The following PCNX2 variants were observed in gnomAD, a reference collection of about 807,000 sequenced individuals.
PCNX2 encodes pecanex-like protein 2.
PCNX2 carries 168 observed loss-of-function variants against 223.8 expected under a neutral mutation model. That is an observed-to-expected ratio of 0.75 (90% CI 0.66 to 0.85). The LOEUF (loss-of-function observed/expected upper bound fraction) is 0.85. PCNX2 is among the 40% of genes least tolerant of loss of function. The pLI, the probability that PCNX2 is intolerant of heterozygous loss-of-function variation, is 0.00. For missense variants in PCNX2, 2,507 were observed against 2,675.5 expected (o/e 0.94, Z 1.39); for synonymous variants, 1,006 against 1,052.6 (o/e 0.96, Z 0.86).
At chr1:233,317,799 T>C in the PCNX2 span, among the ~76,000 whole-genome samples, 7 of 152,372 alleles carry the variant, frequency 4.6e-5, no homozygotes, top group East Asian at 1.3e-3. Context: ...TTTAATGCAT[T>C]AGCTCAATGA....
Position 233,227,245 on chromosome 1 carries a change from A to G in PCNX2, c.2485T>C (p.Leu829=). ...WIKVWYDRLT[L]LALLDRTEDI... is the part of the protein sequence containing the mutation. ...GCTTACCGATCAAGTAATGCCAGCA[A>G]GGTCAGTCGATCATACCAGACTTTA... The change falls in exon 10 of 34, where the codon TTG becomes CTG. Residue 829 remains leucine (L), a synonymous_variant. Transcript: ENST00000258229. 1 of 1,612,680 alleles carries G rather than the reference A, an allele frequency of 6.2e-7. No homozygotes were observed. Among genetic ancestry groups the G allele is most frequent in the South Asian group, 1.1e-5 (1 of 90,846 alleles).
rs1363863433 is a variant in PCNX2 at position 233,231,632 on chromosome 1, AG to A, written c.2359-4262del. The A allele has an allele frequency of 3.0e-6, 3 of 983,902 alleles. No homozygotes were observed. The African/African-American group carries it at 5.2e-5, about 17-fold the overall frequency. The allele number at this position is 983,902 out of a possible 1,614,324, so 60.9% of individuals were successfully genotyped here. ...ATCTGTAGATTTTACCTGAAAGGGCAGGGGATAGGGAGAAGGAGTAGAAGAG... is the reference window on the plus strand; with the variant it reads ...ATCTGTAGATTTTACCTGAAAGGGCAGGGATAGGGAGAAGGAGTAGAAGAG... On this transcript the variant is annotated intron_variant, in intron 9 of 33. Transcript: ENST00000258229.
rs536105916 is a variant in PCNX2 at position 233,017,003 on chromosome 1, G to A, written c.4757C>T (p.Pro1586Leu). The A allele has an allele frequency of 2.3e-5, 37 of 1,613,858 alleles. No individual in the cohort carries two copies. The highest frequency in any genetic ancestry group is 1.7e-4 in the Admixed American group (10 of 60,010). Residue 1586 changes from proline to leucine, a missense_variant, in exon 27 of 34, where the codon CCG becomes CTG. This residue lies in a region of PCNX2 where 1,372 missense variants were observed against 1,509.4 expected (regional missense o/e 0.91). Transcript: ENST00000258229. ...FNINIDDDYV[P>L]CLQGITRASF... The stretch of plus-strand genomic sequence containing the variant: ...AGCTCGTGTGATCCCCTGGAGACAC[G>A]GGACGTAGTCATCATCAATGTTAAT...
chr1:233,001,725 C>A lies in PCNX2; in HGVS notation c.4953-44G>T. On this transcript the variant is annotated intron_variant, in intron 28 of 33. Coordinates refer to ENST00000258229, the MANE Select transcript of PCNX2 (RefSeq NM_014801.4). The surrounding 1 kb of genome is among the most constrained non-coding windows in gnomAD (Gnocchi z 4.2). ...TTACTATGGAACAAATTTCAGAATC[C>A]TGTCATTGTGAGCAAAGTTTGAGTC... 6.8e-7 allele frequency: 1 copy of A among 1,463,966 alleles called. No individual in the cohort carries two copies. The highest frequency in any genetic ancestry group is 9.1e-7 in the Non-Finnish European group (1 of 1,095,024). 90.7% of individuals were successfully genotyped at this position (1,463,966 alleles called of 1,614,324 possible).
intron 21 of PCNX2, among the ~76,000 whole-genome samples, chr1:233,134,555 A>G (rs1049856326): frequency 2.0e-5 from 3 of 151,870 alleles, no homozygotes; most frequent in Admixed American, 6.6e-5. Flanking sequence ...AAAACAGAAG[A>G]AAAAAGGAAA....
At chr1:233,314,590 A>G in the PCNX2 span, among the ~76,000 whole-genome samples, 54 of 152,298 alleles carry the variant, frequency 3.5e-4, no homozygotes, top group South Asian at 1.4e-3. Flanking sequence ...GAATCCATCT[A>G]AGTAGGAAAA....
chr1:233,130,031 G>A (rs1420350221), intron 21 of PCNX2, among the ~76,000 whole-genome samples: 3 of 152,116 alleles, frequency 2.0e-5, no homozygotes, highest in Non-Finnish European at 2.9e-5. Flanking sequence ...CCTGAGGCCA[G>A]CCAGACCACG....
Position 233,017,462 on chromosome 1 carries a change from C to T in PCNX2, c.4606-308G>A, listed in dbSNP as rs554706720. On this transcript the variant is annotated intron_variant, in intron 26 of 33. Coordinates refer to ENST00000258229, the MANE Select transcript of PCNX2 (RefSeq NM_014801.4). ...CCTCCCAAGTAGCTGGGACTACAGG[C>T]GCCCGCCACCACGCCCAGCTAATTT... Among the ~76,000 whole-genome samples the T allele has an allele frequency of 1.2e-3, 185 of 152,036 alleles. 1 individual carries two copies. The highest frequency in any genetic ancestry group is 4.3e-3 in the African/African-American group (179 of 41,482).
At chr1:233,317,078 G>A in the PCNX2 span, among the ~76,000 whole-genome samples, 2 of 152,060 alleles carry the variant, frequency 1.3e-5, no homozygotes, top group South Asian at 2.1e-4. Context: ...CTTATTACTT[G>A]GATTTATTGC....
chr1:233,114,962 G>A (rs139503954), intron 21 of PCNX2, among the ~76,000 whole-genome samples: 1 of 152,198 alleles, frequency 6.6e-6, no homozygotes, highest in African/African-American at 2.4e-5. Flanking sequence ...GGTAGAAGGT[G>A]GGGAAGATTA....
At chr1:233,264,795 A>C (rs1198701002) in intron 1 of PCNX2, among the ~76,000 whole-genome samples, 1 of 152,198 alleles carries the variant, frequency 6.6e-6, no homozygotes, top group African/African-American at 2.4e-5. Context: ...AATACGTTAA[A>C]ATACTACTAA....
chr1:233,036,249 C>T (rs1671450248), intron 25 of PCNX2, among the ~76,000 whole-genome samples: 1 of 152,164 alleles, frequency 6.6e-6, no homozygotes, highest in South Asian at 2.1e-4. Context: ...TTCAGGTCAT[C>T]TATTCCCAGC....
intron 23 of PCNX2, among the ~76,000 whole-genome samples, chr1:233,062,780 A>G (rs1214968774): frequency 6.6e-6 from 1 of 152,218 alleles, no homozygotes; most frequent in Non-Finnish European, 1.5e-5. Flanking sequence ...TTTTAAACAC[A>G]TTACACTATA....
In PCNX2 at chr1:233,233,424, C is replaced by CTGTGTGTG. The variant is rs57458756; in HGVS notation, c.2358+3413_2358+3420dup. ...CAATGAAAAATAACCTCCTCTTCTC[C>CTGTGTGTG]TGTGTGTGTGTGTGTGTGTGTGTGT... On this transcript the variant is annotated intron_variant, in intron 9 of 33. Coordinates refer to ENST00000258229, the MANE Select transcript of PCNX2 (RefSeq NM_014801.4). Among the ~76,000 whole-genome samples, 1,014 of 140,316 alleles carry CTGTGTGTG rather than the reference C, an allele frequency of 7.2e-3. 5 individuals are homozygous for CTGTGTGTG. The highest frequency in any genetic ancestry group is 0.015 in the African/African-American group (545 of 37,314). The allele number at this position is 140,316 out of a possible 152,430, so 92.1% of individuals were successfully genotyped here.
intron 1 of PCNX2, among the ~76,000 whole-genome samples, chr1:233,274,183 T>C (rs1660795806): frequency 6.6e-6 from 1 of 152,208 alleles, no homozygotes. Context: ...GTCACTAAAA[T>C]CATGGACTTC....
At chr1:233,295,998 CTTTCTTTT>C (rs892077082), upstream of PCNX2, among the ~76,000 whole-genome samples, 1 of 96,884 alleles carries the variant, frequency 1.0e-5, no homozygotes, top group African/African-American at 3.8e-5. This position sits in a 1 kb window ranked among gnomAD's most constrained non-coding sequence, Gnocchi z 4.1. Context: ...TTCTTTCTTT[CTTTCTTTT>C]TTTTTTTTGC....
chr1:233,089,948 C>A, intron 23 of PCNX2, 113 bp downstream of exon 23: 1 of 1,532,162 alleles, frequency 6.5e-7, no homozygotes, highest in South Asian at 1.3e-5. Flanking sequence ...TTTGGCCTGG[C>A]CCCACAGCAG....
chr1:233,112,821 T>G (rs1431006443), intron 21 of PCNX2: 2 of 1,262,188 alleles, frequency 1.6e-6, no homozygotes, highest in African/African-American at 3.1e-5. Flanking sequence ...ATGTCCCAAA[T>G]GGGGAGAAAA....
At chr1:233,265,955 TA>T (rs1233270480) in intron 1 of PCNX2, among the ~76,000 whole-genome samples, 3 of 152,182 alleles carry the variant, frequency 2.0e-5, no homozygotes, top group Non-Finnish European at 4.4e-5. Flanking sequence ...ATACTGAAAT[TA>T]AGTGAGGGCA....
Sources: allele counts gnomAD v4.1 joint callset (sites outside exome capture counted in the v4.1 genomes callset), GRCh38; gene constraint gnomAD v4.1.1; regional missense constraint gnomAD v4.1.1; non-coding constraint Gnocchi (gnomAD v3.1); transcripts MANE v1.5; gene names NCBI Gene and HGNC (gene_info 2026-07-23, HGNC 2026-07-21).